Variants in CACNA1E observed in about 807,000 individuals in gnomAD.
CACNA1E encodes voltage-dependent R-type calcium channel subunit alpha-1E.
A neutral mutation model predicts 259.2 loss-of-function variants in CACNA1E; 40 were observed. The ratio of observed to expected loss-of-function variants is 0.15; its 90% CI spans 0.12 to 0.20. The LOEUF (loss-of-function observed/expected upper bound fraction) is 0.20. Among genes scored for constraint, CACNA1E ranks in the 10% least tolerant of loss-of-function variants. The probability of loss-of-function intolerance (pLI) is 1.00; values close to 1 mark genes in which losing one functional copy is unlikely to be tolerated. For synonymous variants in CACNA1E, 1,104 were observed against 1,138.5 expected (o/e 0.97, Z 0.61); for missense variants, 1,874 against 3,040.1 (o/e 0.62, Z 9.02).
intron 1 of CACNA1E, among the ~76,000 whole-genome samples, chr1:181,509,974 G>A (rs1017920758): frequency 2.0e-5 from 3 of 152,230 alleles, no homozygotes; most frequent in Non-Finnish European, 4.4e-5. Context: ...GTGGTGCAGA[G>A]ATTCTAGAAG....
At chr1:181,599,254 CA>C (rs1170978474) in intron 6 of CACNA1E, among the ~76,000 whole-genome samples, 1 of 152,194 alleles carries the variant, frequency 6.6e-6, no homozygotes, top group Non-Finnish European at 1.5e-5. Context: ...CTAAGGATAA[CA>C]GCCTCCAGCT....
intron 1 of CACNA1E, among the ~76,000 whole-genome samples, chr1:181,358,805 C>T (rs1031161939): frequency 6.6e-6 from 1 of 152,178 alleles, no homozygotes; most frequent in African/African-American, 2.4e-5. Context: ...ATAATGTCCC[C>T]GTAACATTTT....
intron 7 of CACNA1E, among the ~76,000 whole-genome samples, chr1:181,700,941 A>G (rs1652189353): frequency 6.6e-6 from 1 of 152,016 alleles, no homozygotes; most frequent in African/African-American, 2.4e-5. Flanking sequence ...CTTCTTTCCC[A>G]TCTCCACCAT....
intron 3 of CACNA1E, among the ~76,000 whole-genome samples, chr1:181,525,016 C>T (rs1667250409): frequency 6.6e-6 from 1 of 152,190 alleles, no homozygotes; most frequent in African/African-American, 2.4e-5. Flanking sequence ...GTGTACAAAA[C>T]ATTTTGCTAA....
chr1:181,599,662 C>T (rs992013381), intron 6 of CACNA1E, among the ~76,000 whole-genome samples: 8 of 152,186 alleles, frequency 5.3e-5, no homozygotes, highest in African/African-American at 1.9e-4. Flanking sequence ...CAGAACCTTG[C>T]ATATCGTGTG....
intron 1 of CACNA1E, among the ~76,000 whole-genome samples, chr1:181,346,620 C>T (rs1204409454): frequency 1.3e-5 from 2 of 152,198 alleles, no homozygotes; most frequent in African/African-American, 4.8e-5. Context: ...GGTTCCATTC[C>T]CTTAGGACCC....
intron 6 of CACNA1E, among the ~76,000 whole-genome samples, chr1:181,638,723 C>T (rs112205835): frequency 7.9e-5 from 12 of 152,172 alleles, no homozygotes; most frequent in African/African-American, 2.9e-4. Flanking sequence ...CTCATGGGGG[C>T]AGTTTCCCCC....
intron 1 of CACNA1E, among the ~76,000 whole-genome samples, chr1:181,376,340 G>A (rs946592179): frequency 6.6e-6 from 1 of 152,214 alleles, no homozygotes; most frequent in African/African-American, 2.4e-5. Context: ...TGCCTTTCTG[G>A]CGCAGAGGCA....
intron 7 of CACNA1E, chr1:181,651,659 T>G (rs771272257): frequency 8.3e-6 from 4 of 479,394 alleles, no homozygotes; most frequent in Non-Finnish European, 1.5e-5. Flanking sequence ...AGTCTTGATG[T>G]CAGGCACAAC....
chr1:181,693,653 T>C (rs1186706719), intron 7 of CACNA1E, among the ~76,000 whole-genome samples: 2 of 152,034 alleles, frequency 1.3e-5, no homozygotes, highest in African/African-American at 4.8e-5. Flanking sequence ...TGGGTACTAC[T>C]GGAGGTGGTA....
At chr1:181,505,012 G>A (rs1009345761) in intron 1 of CACNA1E, among the ~76,000 whole-genome samples, 3 of 152,136 alleles carry the variant, frequency 2.0e-5, no homozygotes, top group African/African-American at 7.2e-5. Context: ...CAGGAGGGAA[G>A]GCAGGAAGGA....
At chr1:181,497,557 C>G (rs1296568709) in intron 1 of CACNA1E, among the ~76,000 whole-genome samples, 6 of 152,156 alleles carry the variant, frequency 3.9e-5, no homozygotes, top group African/African-American at 1.4e-4. Flanking sequence ...GACAGGCACT[C>G]TACAGTGTGC....
chr1:181,328,524 C>T (rs1439396074), intron 1 of CACNA1E, among the ~76,000 whole-genome samples: 1 of 152,088 alleles, frequency 6.6e-6, no homozygotes, highest in African/African-American at 2.4e-5. Flanking sequence ...CATGGCCAAG[C>T]TAGATTCAGT....
intron 46 of CACNA1E, among the ~76,000 whole-genome samples, chr1:181,796,393 G>T (rs1325317814): frequency 6.6e-6 from 1 of 152,156 alleles, no homozygotes; most frequent in African/African-American, 2.4e-5. Flanking sequence ...TCACATGATG[G>T]AGAGCAGAGA....
chr1:181,498,735 G>C (rs1664995181), intron 1 of CACNA1E, among the ~76,000 whole-genome samples: 3 of 152,164 alleles, frequency 2.0e-5, no homozygotes, highest in South Asian at 2.1e-4. Flanking sequence ...AAGTGGCAGA[G>C]CAGAGCCTAG....
intron 3 of CACNA1E, among the ~76,000 whole-genome samples, chr1:181,568,505 C>A (rs1447636356): frequency 1.3e-5 from 2 of 152,184 alleles, no homozygotes; most frequent in Admixed American, 6.5e-5. Context: ...GTTCTTTGAA[C>A]ACTGCCAGGC....
chr1:181,630,417 TTCATCTCTTACTTTGG>T (rs1656616038), intron 6 of CACNA1E, among the ~76,000 whole-genome samples: 1 of 149,284 alleles, frequency 6.7e-6, no homozygotes, highest in South Asian at 2.3e-4. Flanking sequence ...CTAATATTCA[TTCATCTCTTACTTTGG>T]TTATTATTTA....
In CACNA1E at chr1:181,663,442, G is replaced by A. The variant is rs58046937; in HGVS notation, c.1055+12001G>A. Among the ~76,000 whole-genome samples the A allele has an allele frequency of 7.6e-3, 1,163 of 152,286 alleles. 21 individuals are homozygous for A. The highest frequency in any genetic ancestry group is 0.027 in the African/African-American group (1,122 of 41,556). ...CACAGATGTCTCTGTCACCCATTAAGTTTTGTTTCTTCTGCTGAGGATGTC... is the reference window on the plus strand; with the variant it reads ...CACAGATGTCTCTGTCACCCATTAAATTTTGTTTCTTCTGCTGAGGATGTC... On this transcript the variant is annotated intron_variant, in intron 7 of 47. Coordinates refer to ENST00000367573, the MANE Select transcript of CACNA1E (RefSeq NM_001205293.3).
intron 6 of CACNA1E, among the ~76,000 whole-genome samples, chr1:181,617,685 C>T (rs954856188): frequency 3.3e-5 from 5 of 152,198 alleles, no homozygotes; most frequent in African/African-American, 9.7e-5. Context: ...TGCCAACATT[C>T]CCAACAACCC....
Sources: gnomAD v4.1 joint callset for allele counts (sites outside exome capture counted in the v4.1 genomes callset) on GRCh38, gnomAD v4.1.1 for gene constraint, MANE v1.5 for transcripts, NCBI Gene and HGNC (gene_info 2026-07-23, HGNC 2026-07-21) for gene names.